PCDHGA5: variants seen among roughly 807,000 people sequenced by gnomAD.
PCDHGA5 encodes protocadherin gamma-A5.
PCDHGA5 carries 36 observed loss-of-function variants against 56.7 expected under a neutral mutation model. The observed-to-expected ratio is 0.64, with a 90% CI of 0.49 to 0.84. The LOEUF (loss-of-function observed/expected upper bound fraction) is 0.84, where lower values mean the gene tolerates loss of function less well. Among genes scored for constraint, PCDHGA5 ranks in the 40% least tolerant of loss-of-function variants. PCDHGA5 has a pLI of 0.00. For synonymous variants in PCDHGA5, 563 were observed against 520.2 expected, an observed-to-expected ratio of 1.08 and a Z score of -1.12; for missense variants, 1,305 against 1,201.5, an observed-to-expected ratio of 1.09 and a Z score of -1.27.
At chr5:141,405,499 A>C in intron 1 of PCDHGA5, 9 of 782,122 alleles carry the variant, frequency 1.2e-5, no homozygotes, top group Non-Finnish European at 1.8e-5. Context: ...GGCTCATTGC[A>C]ACCTCCGCCT....
chr5:141,477,087 C>T lies in PCDHGA5; in HGVS notation c.2422-17720C>T, dbSNP rs748424193. ...AAACTCCATGAGATTTACATCCAGG[C>T]CAAAGACAAGGGCGCCAATCCCGAA... On this transcript the variant is annotated intron_variant, in intron 1 of 3. Coordinates refer to ENST00000518069, the MANE Select transcript of PCDHGA5 (RefSeq NM_018918.3). The surrounding 1 kb of genome is among the most constrained non-coding windows in gnomAD (Gnocchi z 4.9). The T allele has an allele frequency of 1.2e-6, 2 of 1,614,244 alleles. No individual in the cohort carries two copies. Among genetic ancestry groups the T allele is most frequent in the Admixed American group, 3.3e-5 (2 of 60,032 alleles).
At chr5:141,449,252 T>C (rs1401555556) in intron 1 of PCDHGA5, among the ~76,000 whole-genome samples, 1 of 152,144 alleles carries the variant, frequency 6.6e-6, no homozygotes, top group Non-Finnish European at 1.5e-5. Flanking sequence ...GTTGCAAGAA[T>C]TGTACAAAGA....
chr5:141,399,731 CGCCTGCGCTCAGCGCAAACGTGA>C (rs777966215), intron 1 of PCDHGA5: 5 of 1,613,174 alleles, frequency 3.1e-6, no homozygotes, highest in Admixed American at 1.7e-5. Flanking sequence ...GACCAGGGCT[CGCCTGCGCTCAGCGCAAACGTGA>C]GCCTGCGCGT....
intron 1 of PCDHGA5, among the ~76,000 whole-genome samples, chr5:141,456,862 C>T (rs1385304686): frequency 6.6e-6 from 1 of 152,086 alleles, no homozygotes; most frequent in Non-Finnish European, 1.5e-5. Context: ...AATTGGGAGG[C>T]TGAGGCAGGA....
chr5:141,419,175 C>T (rs185228661), intron 1 of PCDHGA5: 2 of 1,613,966 alleles, frequency 1.2e-6, no homozygotes, highest in Non-Finnish European at 1.7e-6. Flanking sequence ...AAAACCATAA[C>T]CCTGCACATT....
intron 1 of PCDHGA5, among the ~76,000 whole-genome samples, chr5:141,435,743 G>T (rs3805699): frequency 0.11 from 17,212 of 152,168 alleles, 1,160 homozygotes; most frequent in African/African-American, 0.18. Context: ...TCTTTGAAAA[G>T]CATTGCTTGA....
At chr5:141,374,459 A>T (rs764751595) in intron 1 of PCDHGA5, 1 of 1,613,448 alleles carries the variant, frequency 6.2e-7, no homozygotes, top group South Asian at 1.1e-5. Context: ...AATAGTGGAC[A>T]TTAATGACAA....
rs2099694919 is a variant in PCDHGA5, at chr5:141,490,016, C to T, written c.2422-4791C>T. The T allele has an allele frequency of 6.2e-7, 1 of 1,614,158 alleles. No individual in the cohort carries two copies. The highest frequency in any genetic ancestry group is 8.5e-7 in the Non-Finnish European group (1 of 1,180,060). On this transcript the variant is annotated intron_variant, in intron 1 of 3. Transcript: ENST00000518069. This position sits in a 1 kb window ranked among gnomAD's most constrained non-coding sequence, Gnocchi z 5.4. ...ATCCCAGAGAATGCACCCATTGGTACTCTGCTGCTCCGCCTCAATGCCACT... is the reference window on the plus strand; with the variant it reads ...ATCCCAGAGAATGCACCCATTGGTATTCTGCTGCTCCGCCTCAATGCCACT...
chr5:141,408,873 CCACCG>C (rs776180805), intron 1 of PCDHGA5: 50 of 1,613,104 alleles, frequency 3.1e-5, no homozygotes, highest in Non-Finnish European at 4.1e-5. Context: ...CCAAGAAGTG[CCACCG>C]CTCACATAGA....
intron 1 of PCDHGA5, among the ~76,000 whole-genome samples, chr5:141,469,212 G>A (rs114294512): frequency 0.021 from 3,174 of 151,360 alleles, 54 homozygotes; most frequent in Non-Finnish European, 0.032. Flanking sequence ...TTGAAGTTGA[G>A]GCTTCAGTGA....
chr5:141,473,763 G>A (rs1333191998), intron 1 of PCDHGA5, among the ~76,000 whole-genome samples: 1 of 152,204 alleles, frequency 6.6e-6, no homozygotes, highest in African/African-American at 2.4e-5. Context: ...ACTATGCAAA[G>A]GATTTGGTAT....
chr5:141,378,347 A>AC (rs1159176401), intron 1 of PCDHGA5: 1 of 152,134 alleles, frequency 6.6e-6, no homozygotes, highest in Non-Finnish European at 1.5e-5. Flanking sequence ...ACATGGTGAA[A>AC]CCCCGTCTCT....
rs375404779 is a variant in PCDHGA5 at position 141,419,760 on chromosome 5, A to T, written c.2421+53009A>T. 11 of 1,613,876 alleles carry T rather than the reference A, an allele frequency of 6.8e-6. No homozygotes were observed. The highest frequency in any genetic ancestry group is 9.3e-6 in the Non-Finnish European group (11 of 1,179,904). On this transcript the variant is annotated intron_variant, in intron 1 of 3. Coordinates refer to ENST00000518069, the MANE Select transcript of PCDHGA5 (RefSeq NM_018918.3). ...GTGCGCATGGTGCGTGCTTTGGGTG[A>T]CAAGGACTCGGTCCGCCAGCGCCTG...
intron 1 of PCDHGA5, among the ~76,000 whole-genome samples, chr5:141,459,532 TA>T (rs1031834752): frequency 6.6e-5 from 10 of 152,354 alleles, no homozygotes; most frequent in East Asian, 3.9e-4. Context: ...TTTGTAGGCA[TA>T]TTTTTTTTAT....
chr5:141,422,360 G>C (rs766368774), intron 1 of PCDHGA5: 1 of 1,559,254 alleles, frequency 6.4e-7, no homozygotes, highest in African/African-American at 1.4e-5. Context: ...CAAGATTCTG[G>C]AGAAAATGGT....
intron 1 of PCDHGA5, chr5:141,390,007 C>G (rs778827419): frequency 1.9e-6 from 3 of 1,614,058 alleles, no homozygotes; most frequent in South Asian, 2.2e-5. Context: ...ATGATTCTGG[C>G]CATTGCCTTG....
At position 141,381,559 on chromosome 5, in the gene PCDHGA5, A is replaced by G. The variant is rs547767768; in HGVS notation, c.2421+14808A>G. 3.2e-4 allele frequency among the ~76,000 whole-genome samples: 48 copies of G among 152,342 alleles called. No individual in the cohort carries two copies. In the Middle Eastern group the frequency reaches 0.01, roughly 32 times the overall value. ...AGGATGAAGACTTGAATTGAATTGC[A>G]TAATGAAAAGAATCAGCCAATCCAT... On this transcript the variant is annotated intron_variant, in intron 1 of 3. Transcript: ENST00000518069.
rs771088007 is a variant in PCDHGA5 at position 141,423,000 on chromosome 5, G to T, written c.2421+56249G>T. On this transcript the variant is annotated intron_variant, in intron 1 of 3. Coordinates refer to ENST00000518069, the MANE Select transcript of PCDHGA5 (RefSeq NM_018918.3). ...CGGAACCTGGCTACCTGGTGACCAA[G>T]GTGGTTGCGGTGGACAAAGATTCAG... The T allele has an allele frequency of 2.5e-6, 4 of 1,614,116 alleles. No individual in the cohort carries two copies. The African/African-American group carries it at 5.3e-5, about 22-fold the overall frequency.
chr5:141,384,576 G>A (rs757254740), intron 1 of PCDHGA5: 18 of 1,614,060 alleles, frequency 1.1e-5, no homozygotes, highest in South Asian at 7.7e-5. Context: ...ATGACAACCC[G>A]CCCGAGATCC....
Sources: gnomAD v4.1 joint callset for allele counts (sites outside exome capture counted in the v4.1 genomes callset) on GRCh38, gnomAD v4.1.1 for gene constraint, Gnocchi (gnomAD v3.1) non-coding constraint, MANE v1.5 for transcripts, NCBI Gene and HGNC (gene_info 2026-07-23, HGNC 2026-07-21) for gene names.